The following ZNG1B variants were observed in gnomAD, a reference collection of about 807,000 sequenced individuals.
ZNG1B encodes Zn regulated GTPase metalloprotein activator 1B, also known as zinc-regulated GTPase metalloprotein activator 1B.
chr2:113,476,761 G>A, the ZNG1B span, among the ~76,000 whole-genome samples: 1 of 152,118 alleles, frequency 6.6e-6, no homozygotes, highest in East Asian at 1.9e-4. Context: ...CTGCAGGTCT[G>A]TTGGAGTACC....
At chr2:113,464,887 G>A in the ZNG1B span, among the ~76,000 whole-genome samples, 1 of 152,032 alleles carries the variant, frequency 6.6e-6, no homozygotes, top group South Asian at 2.1e-4. Flanking sequence ...TGACAGTTGT[G>A]CGAATTTTTG....
chr2:113,455,036 GTT>G, the ZNG1B span, among the ~76,000 whole-genome samples: 106 of 152,206 alleles, frequency 7.0e-4, no homozygotes, highest in African/African-American at 2.3e-3. Flanking sequence ...TTAGGATAGA[GTT>G]TGGTATGTAT....
the ZNG1B span, chr2:113,437,945 A>G: frequency 6.2e-7 from 1 of 1,612,028 alleles, no homozygotes; most frequent in Non-Finnish European, 8.5e-7. Flanking sequence ...GTTCCCATGG[A>G]GACGACGCAA....
the ZNG1B span, among the ~76,000 whole-genome samples, chr2:113,484,594 A>G: frequency 1.3e-5 from 2 of 152,180 alleles, no homozygotes; most frequent in Admixed American, 6.5e-5. Context: ...GCATACAGTA[A>G]AGCATGCAAA....
chr2:113,440,222 C>G, the ZNG1B span, among the ~76,000 whole-genome samples: 2 of 152,078 alleles, frequency 1.3e-5, no homozygotes, highest in Non-Finnish European at 2.9e-5. Context: ...CAGAGACTAT[C>G]TTGTTCACTT....
At chr2:113,468,681 G>A in the ZNG1B span, 2 of 151,234 alleles carry the variant, frequency 1.3e-5, no homozygotes, top group South Asian at 2.1e-4. Context: ...TCCAAAGGAG[G>A]AAATTAATTT....
the ZNG1B span, chr2:113,441,876 AC>A: frequency 5.5e-6 from 1 of 182,318 alleles, no homozygotes; most frequent in Non-Finnish European, 1.2e-5. Flanking sequence ...AGTAGCTGGG[AC>A]TACAGGCGTG....
At chr2:113,477,559 A>T in the ZNG1B span, among the ~76,000 whole-genome samples, 1 of 152,096 alleles carries the variant, frequency 6.6e-6, no homozygotes, top group African/African-American at 2.4e-5. Context: ...TCTTCACTTT[A>T]ATAATGGATT....
the ZNG1B span, among the ~76,000 whole-genome samples, chr2:113,484,936 A>G: frequency 2.0e-5 from 3 of 151,714 alleles, no homozygotes; most frequent in Non-Finnish European, 4.4e-5. Context: ...AAGTGCTGGG[A>G]TTACAGGCAT....
At chr2:113,448,265 C>T in the ZNG1B span, among the ~76,000 whole-genome samples, 1 of 152,000 alleles carries the variant, frequency 6.6e-6, no homozygotes, top group African/African-American at 2.4e-5. Flanking sequence ...TGATCAGGTG[C>T]GTTGTCAATG....
chr2:113,459,429 A>G, the ZNG1B span, among the ~76,000 whole-genome samples: 1 of 151,920 alleles, frequency 6.6e-6, no homozygotes, highest in East Asian at 1.9e-4. Flanking sequence ...TGGCTCTGAT[A>G]TATGATTATT....
At chr2:113,463,805 CTAT>C in the ZNG1B span, among the ~76,000 whole-genome samples, 3 of 150,220 alleles carry the variant, frequency 2.0e-5, no homozygotes, top group Non-Finnish European at 3.0e-5. Context: ...GCTCTGTTAG[CTAT>C]TATTATGTAA....
At chr2:113,458,385 G>C in the ZNG1B span, among the ~76,000 whole-genome samples, 33,079 of 151,758 alleles carry the variant, frequency 0.22, 4,028 homozygotes, top group East Asian at 0.53. Flanking sequence ...GCTTTCCTAT[G>C]GGCATAGAAG....
At chr2:113,461,541 T>C in the ZNG1B span, among the ~76,000 whole-genome samples, 1 of 152,092 alleles carries the variant, frequency 6.6e-6, no homozygotes, top group African/African-American at 2.4e-5. Context: ...TTTGAGAATT[T>C]AGTTGTATTC....
the ZNG1B span, among the ~76,000 whole-genome samples, chr2:113,487,863 A>G: frequency 4.0e-5 from 6 of 151,472 alleles, no homozygotes; most frequent in Admixed American, 6.6e-5. Context: ...TTCAATTTGA[A>G]CCTTTTTTTA....
chr2:113,438,109 T>C, the ZNG1B span: 4 of 1,598,300 alleles, frequency 2.5e-6, no homozygotes, highest in Non-Finnish European at 3.4e-6. Context: ...CCTGAGGCAT[T>C]GGGGCCTCAT....
the ZNG1B span, chr2:113,482,082 T>C: frequency 1.2e-6 from 1 of 849,938 alleles, no homozygotes; most frequent in African/African-American, 1.7e-5. Context: ...TAGTCAGTTA[T>C]GGAAAGTCAC....
the ZNG1B span, among the ~76,000 whole-genome samples, chr2:113,490,575 ATAGACTGT>A: frequency 6.6e-6 from 1 of 152,260 alleles, no homozygotes; most frequent in Non-Finnish European, 1.5e-5. Context: ...AATAAAATTG[ATAGACTGT>A]TAGCAAGATC....
At chr2:113,437,935 G>T in the ZNG1B span, 1 of 1,611,928 alleles carries the variant, frequency 6.2e-7, no homozygotes, top group African/African-American at 1.3e-5. Flanking sequence ...TCCTGAATTG[G>T]TTCCCATGGA....
Sources: allele counts gnomAD v4.1 joint callset (sites outside exome capture counted in the v4.1 genomes callset), GRCh38; gene constraint gnomAD v4.1.1; transcripts MANE v1.5; gene names NCBI Gene and HGNC (gene_info 2026-07-23, HGNC 2026-07-21).